Variants in RBKS observed in about 807,000 individuals in gnomAD.
RBKS encodes ribokinase.
RBKS carries 33 observed loss-of-function variants against 33.9 expected under a neutral mutation model. The observed-to-expected ratio is 0.97, with a 90% confidence interval of 0.74 to 1.30. The LOEUF (loss-of-function observed/expected upper bound fraction) is 1.30, where lower values mean the gene tolerates loss of function less well. Ranked by LOEUF, RBKS falls within the 50% of genes most tolerant of loss-of-function variation. The pLI is 0.00. For missense variants in RBKS, 361 were observed against 392.6 expected (o/e 0.92, Z 0.68); for synonymous variants, 125 against 143.0 (o/e 0.87, Z 0.90).
At chr2:27,831,757 G>A (rs900820575) in intron 6 of RBKS, among the ~76,000 whole-genome samples, 10 of 151,716 alleles carry the variant, frequency 6.6e-5, no homozygotes, top group African/African-American at 2.2e-4. Flanking sequence ...GCGAAATCCC[G>A]TCTCTACACA....
At chr2:27,808,228 T>A (rs893687093) in intron 7 of RBKS, among the ~76,000 whole-genome samples, 1 of 152,242 alleles carries the variant, frequency 6.6e-6, no homozygotes, top group African/African-American at 2.4e-5. Flanking sequence ...TAAGTGGTAT[T>A]ACGAATGACA....
intron 1 of RBKS, chr2:27,870,570 G>A (rs1369275148): frequency 2.0e-5 from 7 of 354,920 alleles, no homozygotes; most frequent in Non-Finnish European, 3.4e-5. Flanking sequence ...CGTGAGTTAA[G>A]GGCATGTACT....
At chr2:27,873,484 T>A (rs574366574) in intron 1 of RBKS, among the ~76,000 whole-genome samples, 2 of 152,358 alleles carry the variant, frequency 1.3e-5, no homozygotes, top group South Asian at 4.1e-4. Context: ...CTGCTTATGA[T>A]TTTCATTGAG....
At position 27,853,381 on chromosome 2, in the gene RBKS, T is replaced by A. The variant is rs4447576; in HGVS notation, c.222+5058A>T. On this transcript the variant is annotated intron_variant, in intron 2 of 7. Transcript: ENST00000302188. ...AAAAAAAAAAAAAAAAAAAGGCCTT[T>A]GGGCTGGTGGTGCACACCTGTAATC... Among the ~76,000 whole-genome samples, 4 of 147,390 alleles carry A rather than the reference T, an allele frequency of 2.7e-5. No individual in the cohort carries two copies. The East Asian group carries it at 7.9e-4, about 29-fold the overall frequency.
intron 7 of RBKS, among the ~76,000 whole-genome samples, chr2:27,791,649 A>ACACAC (rs1456963977): frequency 1.1e-3 from 60 of 52,574 alleles, no homozygotes; most frequent in African/African-American, 2.3e-3. Context: ...CACACTAAAT[A>ACACAC]TACATATACA....
chr2:27,807,073 C>T (rs1485187372), intron 7 of RBKS, among the ~76,000 whole-genome samples: 2 of 152,150 alleles, frequency 1.3e-5, no homozygotes, highest in Non-Finnish European at 2.9e-5. Flanking sequence ...AGAACAAGAT[C>T]GGCTCTGGCA....
At chr2:27,856,291 G>A (rs376377501) in intron 2 of RBKS, among the ~76,000 whole-genome samples, 2 of 152,174 alleles carry the variant, frequency 1.3e-5, no homozygotes, top group Admixed American at 6.5e-5. Context: ...TAAGCATTAG[G>A]TGACTAAATC....
At chr2:27,801,984 A>ATT in intron 7 of RBKS, among the ~76,000 whole-genome samples, 1 of 95,052 alleles carries the variant, frequency 1.1e-5, no homozygotes, top group Middle Eastern at 4.6e-3. Flanking sequence ...ATATATATAT[A>ATT]TATATATATT....
At chr2:27,791,646 A>C (rs928063999) in intron 7 of RBKS, among the ~76,000 whole-genome samples, 2,125 of 140,682 alleles carry the variant, frequency 0.015, 42 homozygotes, top group African/African-American at 0.042. Context: ...ACACACACTA[A>C]ATATACATAT....
intron 1 of RBKS, among the ~76,000 whole-genome samples, chr2:27,877,840 A>G (rs1664343378): frequency 6.6e-6 from 1 of 152,178 alleles, no homozygotes; most frequent in Non-Finnish European, 1.5e-5. Context: ...TCGCACCATC[A>G]TCAACATTTG....
At position 27,836,543 on chromosome 2, in the gene RBKS, C is replaced by T. The variant is rs187580157; in HGVS notation, c.515-3766G>A. Among the ~76,000 whole-genome samples, 707 of 152,196 alleles carry T rather than the reference C, an allele frequency of 4.6e-3. 2 individuals carry two copies. Among genetic ancestry groups the T allele is most frequent in the Non-Finnish European group, 7.0e-3 (476 of 68,008 alleles). On this transcript the variant is annotated intron_variant, in intron 5 of 7. Transcript: ENST00000302188. ...ATGTAAGACCTCAAACTATAAAAAT[C>T]CTAGAAGAAAGCTTAGAAAATACCC...
chr2:27,821,100 G>A (rs1002376105), intron 7 of RBKS, among the ~76,000 whole-genome samples: 2 of 148,156 alleles, frequency 1.3e-5, no homozygotes, highest in African/African-American at 2.5e-5. Context: ...TGGAAACACT[G>A]TACAAATTTA....
chr2:27,856,615 C>T (rs1393947956), intron 2 of RBKS, among the ~76,000 whole-genome samples: 1 of 152,142 alleles, frequency 6.6e-6, no homozygotes, highest in Non-Finnish European at 1.5e-5. Flanking sequence ...ACTTTAATGG[C>T]TACATAAATA....
intron 7 of RBKS, among the ~76,000 whole-genome samples, chr2:27,823,151 T>C (rs1028610034): frequency 6.6e-6 from 1 of 152,132 alleles, no homozygotes; most frequent in Non-Finnish European, 1.5e-5. Flanking sequence ...CTCTCTGTCA[T>C]TTGGAGGCTG....
chr2:27,857,346 C>T (rs894500153), intron 2 of RBKS, among the ~76,000 whole-genome samples: 9 of 152,262 alleles, frequency 5.9e-5, no homozygotes, highest in East Asian at 5.8e-4. Flanking sequence ...ATAATGCTAG[C>T]GCCTTAAAAT....
intron 1 of RBKS, among the ~76,000 whole-genome samples, chr2:27,877,060 T>A (rs1206625527): frequency 6.6e-6 from 1 of 152,174 alleles, no homozygotes; most frequent in East Asian, 1.9e-4. Context: ...AAAACTTTAA[T>A]CCTGGCTCCA....
In RBKS at chr2:27,855,053, C is replaced by G. The variant is rs890173690; in HGVS notation, c.222+3386G>C. On this transcript the variant is annotated intron_variant, in intron 2 of 7. Coordinates refer to ENST00000302188, the MANE Select transcript of RBKS (RefSeq NM_022128.3). ...AGTTAAGTGTTCTTACTACCCCCCG[C>G]CCCCCCACCACACAAAGTTGCTTTT... 8.6e-5 allele frequency among the ~76,000 whole-genome samples: 13 copies of G among 150,388 alleles called. 1 individual carries two copies. Among genetic ancestry groups the G allele is most frequent in the Admixed American group, 5.3e-4 (8 of 15,104 alleles).
At chr2:27,843,696 A>T (rs570019900) in intron 4 of RBKS, among the ~76,000 whole-genome samples, 1 of 152,390 alleles carries the variant, frequency 6.6e-6, no homozygotes, top group South Asian at 2.1e-4. Context: ...GATTCTGTCA[A>T]TCAAAACACA....
intron 2 of RBKS, among the ~76,000 whole-genome samples, chr2:27,856,823 C>T (rs1161769205): frequency 6.6e-6 from 1 of 152,162 alleles, no homozygotes; most frequent in Non-Finnish European, 1.5e-5. Flanking sequence ...TCAGCACCAT[C>T]TGATTACTCT....
Sources: gnomAD v4.1 joint callset for allele counts (sites outside exome capture counted in the v4.1 genomes callset) on GRCh38, gnomAD v4.1.1 for gene constraint, MANE v1.5 for transcripts, NCBI Gene and HGNC (gene_info 2026-07-23, HGNC 2026-07-21) for gene names.